The following LRRC55 variants were observed in gnomAD, a reference collection of about 807,000 sequenced individuals.
LRRC55 encodes leucine rich repeat containing 55, also known as leucine-rich repeat-containing protein 55.
A neutral mutation model predicts 20.5 loss-of-function variants in LRRC55; 11 were observed. That is an observed-to-expected ratio of 0.54 (90% CI 0.34 to 0.89). The LOEUF (loss-of-function observed/expected upper bound fraction) is 0.89, where lower values mean the gene tolerates loss of function less well. Ranked by LOEUF, LRRC55 falls within the 40% of genes least tolerant of loss-of-function variation. The probability of loss-of-function intolerance (pLI) is 0.02; values close to 1 mark genes in which losing one functional copy is unlikely to be tolerated. For synonymous variants in LRRC55, 188 were observed against 166.6 expected, an observed-to-expected ratio of 1.13 and a Z score of -0.99; for missense variants, 358 against 390.9, an observed-to-expected ratio of 0.92 and a Z score of 0.71.
At chr11:57,186,818 G>A (rs752794268) in intron 1 of LRRC55, among the ~76,000 whole-genome samples, 7 of 152,234 alleles carry the variant, frequency 4.6e-5, no homozygotes, top group Admixed American at 1.3e-4. Flanking sequence ...GGTTTAAGTA[G>A]AGAAGGTGTG....
At chr11:57,183,385 A>C (rs1175923291) in intron 1 of LRRC55, among the ~76,000 whole-genome samples, 1 of 152,196 alleles carries the variant, frequency 6.6e-6, no homozygotes, top group Non-Finnish European at 1.5e-5. Context: ...GCCCTCTCTT[A>C]AGCAGCTTTA....
intron 1 of LRRC55, among the ~76,000 whole-genome samples, chr11:57,184,897 A>C (rs1477741489): frequency 6.6e-6 from 1 of 152,080 alleles, no homozygotes; most frequent in South Asian, 2.1e-4. Context: ...TACCCACTTC[A>C]TCTACCTAAT....
In LRRC55 at chr11:57,191,167, C is replaced by T. The variant is rs1020697785; in HGVS notation, c.*3687C>T. 6.6e-6 allele frequency: 1 copy of T among 152,172 alleles called. No homozygotes were observed. Among genetic ancestry groups the T allele is most frequent in the East Asian group, 1.9e-4 (1 of 5,192 alleles). The allele number at this position is 152,172 out of a possible 1,614,324, so 9.4% of individuals were successfully genotyped here. A position where few individuals can be genotyped will look rare whatever the true frequency, so the allele number is the denominator to read the frequency against. On this transcript the variant is annotated 3_prime_UTR_variant, in exon 2 of 2. Coordinates refer to ENST00000497933, the MANE Select transcript of LRRC55 (RefSeq NM_001005210.4). ...CTTTTTCTCCCTTCCTAGAGGAATT[C>T]CCAGGGAACTTTGCAGAAATAGGTC...
chr11:57,181,985 TG>T lies in LRRC55; in HGVS notation c.-35del. The T allele has an allele frequency of 6.2e-7, 1 of 1,614,186 alleles. No individual in the cohort carries two copies. On this transcript the variant is annotated 5_prime_UTR_variant, in exon 1 of 2. Transcript: ENST00000497933. ...CTCGATTCCATGGACACAGTCCTCA[TG>T]GGCTCCCTCCAGCACTGCTGTTGCC... is the stretch of plus-strand genomic sequence containing the variant.
At chr11:57,185,024 C>T (rs1854412338) in intron 1 of LRRC55, among the ~76,000 whole-genome samples, 1 of 152,178 alleles carries the variant, frequency 6.6e-6, no homozygotes, top group Non-Finnish European at 1.5e-5. Flanking sequence ...ACAGGAATTG[C>T]TCAACCTGGG....
chr11:57,187,282 C>T lies in LRRC55; in HGVS notation c.699C>T (p.Val233=), dbSNP rs200374266. ...QLAECRGPPE[V]EGAPLFSLTE... ...CTGAGTGCCGGGGCCCTCCTGAAGT[C>T]GAGGGCGCCCCGCTCTTCTCACTCA... The change falls in exon 2 of 2, where the codon GTC becomes GTT. Residue 233 remains valine, a synonymous_variant. Coordinates refer to ENST00000497933, the MANE Select transcript of LRRC55 (RefSeq NM_001005210.4). 2.5e-5 allele frequency: 40 copies of T among 1,613,852 alleles called. No individual in the cohort carries two copies. Among genetic ancestry groups the T allele is most frequent in the Admixed American group, 3.3e-5 (2 of 59,992 alleles).
Position 57,188,751 on chromosome 11 carries a change from A to C in LRRC55, c.*1271A>C, listed in dbSNP as rs1369786679. On this transcript the variant is annotated 3_prime_UTR_variant, in exon 2 of 2. Transcript: ENST00000497933. ...TCACCATTCCCTCTAGAGTTATATA[A>C]ATTCAAATTCAACTAGAGCTGACAA... 2 of 152,176 alleles carry C rather than the reference A, an allele frequency of 1.3e-5. No individual in the cohort carries two copies. The highest frequency in any genetic ancestry group is 2.4e-5 in the African/African-American group (1 of 41,434). The allele number at this position is 152,176 out of a possible 1,614,324, so 9.4% of individuals were successfully genotyped here. A position where few individuals can be genotyped will look rare whatever the true frequency, so the allele number is the denominator to read the frequency against.
Position 57,182,262 on chromosome 11 carries a change from G to A in LRRC55, c.240G>A (p.Val80=). 2 of 1,614,220 alleles carry A rather than the reference G, an allele frequency of 1.2e-6. No homozygotes were observed. The highest frequency in any genetic ancestry group is 1.7e-6 in the Non-Finnish European group (2 of 1,180,032). Residue 80 remains valine, a synonymous_variant, in exon 1 of 2, where the codon GTG becomes GTA. Transcript: ENST00000497933. The part of the protein sequence containing the change: ...LSLAHNRITA[V]PPGYLTCYME... ...TGGCCCACAACCGCATCACAGCAGTGCCGCCTGGCTACCTCACATGCTACA... is the reference window on the plus strand; with the variant it reads ...TGGCCCACAACCGCATCACAGCAGTACCGCCTGGCTACCTCACATGCTACA...
At position 57,184,197 on chromosome 11, in the gene LRRC55, G is replaced by A. The variant is rs987936647; in HGVS notation, c.661+1514G>A. The stretch of plus-strand genomic sequence containing the variant: ...GAGGGCAGGAGTGGGAGGATGCCTG[G>A]AGCAATCTCTCAACTTGCTCAAACT... On this transcript the variant is annotated intron_variant, in intron 1 of 1. Coordinates refer to ENST00000497933, the MANE Select transcript of LRRC55 (RefSeq NM_001005210.4). Among the ~76,000 whole-genome samples the A allele has an allele frequency of 1.3e-5, 2 of 152,172 alleles. 1 individual carries two copies. The highest frequency in any genetic ancestry group is 4.1e-4 in the South Asian group (2 of 4,830).
intron 1 of LRRC55, among the ~76,000 whole-genome samples, chr11:57,184,233 G>A (rs930865458): frequency 1.3e-5 from 2 of 151,684 alleles, no homozygotes; most frequent in Non-Finnish European, 3.0e-5. Flanking sequence ...TGGCAGGCGC[G>A]CCTTCCCTCT....
Position 57,187,381 on chromosome 11 carries a change from C to T in LRRC55, c.798C>T (p.Phe266=), listed in dbSNP as rs377557350. The T allele has an allele frequency of 1.8e-5, 29 of 1,614,098 alleles. No homozygotes were observed. The highest frequency in any genetic ancestry group is 2.3e-5 in the Non-Finnish European group (27 of 1,180,038). ...ACCTATTCATTGCGTTCGTGGGCTT[C>T]GTGGTCTCCATTGCTTCTGTGGCCA... ...DDYLFIAFVG[F]VVSIASVATN... Residue 266 remains phenylalanine (F), a synonymous_variant, in exon 2 of 2, where the codon TTC becomes TTT. Transcript: ENST00000497933.
At chr11:57,182,812 CTTTG>C in intron 1 of LRRC55, 129 bp downstream of exon 1, 1 of 931,754 alleles carries the variant, frequency 1.1e-6, no homozygotes, top group South Asian at 3.4e-5. Flanking sequence ...GGGCTTGCCT[CTTTG>C]TACACCAGCT....
rs1156824685 is a variant in LRRC55 at position 57,189,206 on chromosome 11, A to G, written c.*1726A>G. On this transcript the variant is annotated 3_prime_UTR_variant, in exon 2 of 2. Coordinates refer to ENST00000497933, the MANE Select transcript of LRRC55 (RefSeq NM_001005210.4). Reference sequence around the variant, plus strand: ...ATCCTGTTTTACAGATGGGGAAAAAAGTCTCAAGGTTGGATATGACTTGCT... The same window carrying G: ...ATCCTGTTTTACAGATGGGGAAAAAGGTCTCAAGGTTGGATATGACTTGCT... 1 of 152,198 alleles carries G rather than the reference A, an allele frequency of 6.6e-6. No homozygotes were observed. The allele number at this position is 152,198 out of a possible 1,614,324, so 9.4% of individuals were successfully genotyped here. A position where few individuals can be genotyped will look rare whatever the true frequency, so the allele number is the denominator to read the frequency against.
chr11:57,191,537 T>G lies in LRRC55; in HGVS notation c.*4057T>G, dbSNP rs866159740. ...AGAGCTGGATCCACAGAGCTCTCAGTTTTTCTAAGCACTGTCCTGTAATGT... is the reference window on the plus strand; with the variant it reads ...AGAGCTGGATCCACAGAGCTCTCAGGTTTTCTAAGCACTGTCCTGTAATGT... On this transcript the variant is annotated 3_prime_UTR_variant, in exon 2 of 2. Coordinates refer to ENST00000497933, the MANE Select transcript of LRRC55 (RefSeq NM_001005210.4). 6.7e-6 allele frequency: 1 copy of G among 150,184 alleles called. No homozygotes were observed. The highest frequency in any genetic ancestry group is 2.5e-5 in the African/African-American group (1 of 40,506). The allele number at this position is 150,184 out of a possible 1,614,324, so 9.3% of individuals were successfully genotyped here. A position where few individuals can be genotyped will look rare whatever the true frequency, so the allele number is the denominator to read the frequency against.
intron 1 of LRRC55, among the ~76,000 whole-genome samples, chr11:57,184,450 G>A (rs531416963): frequency 6.6e-6 from 1 of 152,342 alleles, no homozygotes; most frequent in African/African-American, 2.4e-5. Flanking sequence ...GAAGGGGACA[G>A]TGACTGTCCA....
rs566454123 is a variant in LRRC55 at position 57,182,124 on chromosome 11, C to T, written c.102C>T (p.Ala34=). The change falls in exon 1 of 2, where the codon GCC becomes GCT. Residue 34 remains alanine, a synonymous_variant. Transcript: ENST00000497933. ...LLAAGLMHSD[A]GTSCPVLCTC... is the part of the protein sequence containing the mutation. ...CAGCCGGGTTGATGCACTCGGATGC[C>T]GGCACCAGCTGCCCCGTCCTTTGCA... The T allele has an allele frequency of 4.3e-6, 7 of 1,614,128 alleles. No individual in the cohort carries two copies. The highest frequency in any genetic ancestry group is 1.6e-4 in the Middle Eastern group (1 of 6,062).
rs781427790 is a variant in LRRC55 at position 57,187,502 on chromosome 11, C to T, written c.*22C>T. 3.7e-6 allele frequency: 6 copies of T among 1,603,172 alleles called. No individual in the cohort carries two copies. The highest frequency in any genetic ancestry group is 1.3e-5 in the African/African-American group (1 of 74,778). Reference sequence around the variant, plus strand: ...CTGACATGCCTGCCTCTCATCCCTCCATGCTGCTGACCGCCACAGCTGCTG... The same window carrying T: ...CTGACATGCCTGCCTCTCATCCCTCTATGCTGCTGACCGCCACAGCTGCTG... On this transcript the variant is annotated 3_prime_UTR_variant, in exon 2 of 2. Transcript: ENST00000497933.
rs773348331 is a variant in LRRC55 at position 57,182,391 on chromosome 11, C to T, written c.369C>T (p.Asn123=). ...KRLAHLDLSY[N]NFSHVPADMF... ...TGGCACACTTGGACCTGAGCTACAA[C>T]AATTTCAGCCATGTGCCAGCCGACA... Residue 123 remains asparagine, a synonymous_variant, in exon 1 of 2, where the codon AAC becomes AAT. Transcript: ENST00000497933. 5.0e-6 allele frequency: 8 copies of T among 1,613,750 alleles called. No individual in the cohort carries two copies. The Admixed American group carries it at 1.0e-4, about 20-fold the overall frequency.
Position 57,182,483 on chromosome 11 carries a change from A to G in LRRC55, c.461A>G (p.His154Arg), listed in dbSNP as rs1213432169. Residue 154 changes from histidine (H) to arginine (R), a missense_variant, in exon 1 of 2, where the codon CAT (histidine) becomes CGT (arginine). Physicochemically the swap from His to Arg is conservative, Grantham distance 29. Coordinates refer to ENST00000497933, the MANE Select transcript of LRRC55 (RefSeq NM_001005210.4). ...LSHNPWLRRV[H>R]PQAFQGLMQL... ...CACAACCCCTGGCTGCGGAGGGTGC[A>G]TCCCCAGGCCTTTCAGGGCCTCATG... 6.2e-7 allele frequency: 1 copy of G among 1,608,186 alleles called. No homozygotes were observed. The highest frequency in any genetic ancestry group is 1.1e-5 in the South Asian group (1 of 90,978).
Sources: allele counts gnomAD v4.1 joint callset (sites outside exome capture counted in the v4.1 genomes callset), GRCh38; gene constraint gnomAD v4.1.1; transcripts MANE v1.5; gene names NCBI Gene and HGNC (gene_info 2026-07-23, HGNC 2026-07-21).